Variants in KLF12 observed in about 807,000 individuals in gnomAD.
KLF12 encodes the protein KLF transcription factor 12.
Under a neutral mutation model 37.8 loss-of-function variants are expected in KLF12, and 9 were observed. The observed-to-expected ratio is 0.24, with a 90% CI of 0.14 to 0.42. KLF12 has a LOEUF of 0.42. Among genes scored for constraint, KLF12 ranks in the 10% least tolerant of loss-of-function variants. The probability of loss-of-function intolerance (pLI) is 1.00; values close to 1 mark genes in which losing one functional copy is unlikely to be tolerated. For synonymous variants in KLF12, 208 were observed against 202.1 expected (o/e 1.03, Z -0.25); for missense variants, 411 against 516.0 (o/e 0.80, Z 1.97).
At chr13:74,282,634 C>G in the KLF12 span, among the ~76,000 whole-genome samples, 1 of 152,008 alleles carries the variant, frequency 6.6e-6, no homozygotes. Context: ...GGTGACTGCA[C>G]AACAGCATGT....
the KLF12 span, among the ~76,000 whole-genome samples, chr13:74,275,469 C>G: frequency 6.6e-6 from 1 of 152,114 alleles, no homozygotes; most frequent in Non-Finnish European, 1.5e-5. Context: ...TAGAAGCTTG[C>G]TTTTAAAAAT....
At chr13:74,141,947 C>T in the KLF12 span, among the ~76,000 whole-genome samples, 4 of 152,024 alleles carry the variant, frequency 2.6e-5, no homozygotes, top group Non-Finnish European at 4.4e-5. Context: ...TAGTGAGGCT[C>T]TCTATTGAAT....
At chr13:73,812,910 G>A in intron 5 of KLF12, 1 of 429,284 alleles carries the variant, frequency 2.3e-6, no homozygotes, top group Non-Finnish European at 4.2e-6. Context: ...AAGGGTGCAG[G>A]AGGTATTAGA....
At chr13:74,164,464 G>A in the KLF12 span, among the ~76,000 whole-genome samples, 4 of 152,040 alleles carry the variant, frequency 2.6e-5, no homozygotes, top group Admixed American at 2.0e-4. Context: ...TAGAACAACT[G>A]GTCATGCTTA....
rs1875477750 is a variant in KLF12 at position 74,088,839 on chromosome 13, T to G, written c.-32+44900A>C. ...TCTTGAATGTGAAAGCACTTTGAAC[T>G]GTTAAAAATCACTCACAAAGAATCA... On this transcript the variant is annotated intron_variant, in intron 1 of 7. Transcript: ENST00000377669. 2.0e-5 allele frequency among the ~76,000 whole-genome samples: 3 copies of G among 152,214 alleles called. No homozygotes were observed. The South Asian group carries it at 6.2e-4, about 31-fold the overall frequency.
At chr13:73,906,435 G>A (rs1223079422) in intron 3 of KLF12, among the ~76,000 whole-genome samples, 1 of 152,008 alleles carries the variant, frequency 6.6e-6, no homozygotes, top group Non-Finnish European at 1.5e-5. Context: ...CTCTTTAGCT[G>A]TGACTCACCT....
At chr13:73,830,833 T>A (rs1323909330) in intron 4 of KLF12, among the ~76,000 whole-genome samples, 1 of 152,150 alleles carries the variant, frequency 6.6e-6, no homozygotes, top group Non-Finnish European at 1.5e-5. Context: ...TGAAACGCAG[T>A]GAACCACACT....
At chr13:73,795,229 T>G (rs1302197564) in intron 5 of KLF12, among the ~76,000 whole-genome samples, 1 of 152,212 alleles carries the variant, frequency 6.6e-6, no homozygotes, top group African/African-American at 2.4e-5. Context: ...ATGTATTGAA[T>G]GCTCAATAAA....
rs1873882238 is a variant in KLF12, at chr13:73,692,616, A to C, written c.*2874T>G. ...CATGAGATGAAATGGAGGCTCTTCC[A>C]TGACTGAAGACATTCCATTTCTTTC... On this transcript the variant is annotated 3_prime_UTR_variant, in exon 8 of 8. Coordinates refer to ENST00000377669, the MANE Select transcript of KLF12 (RefSeq NM_007249.5). The C allele has an allele frequency of 6.5e-6, 1 of 152,678 alleles. No individual in the cohort carries two copies. Among genetic ancestry groups the C allele is most frequent in the South Asian group, 2.1e-4 (1 of 4,836 alleles). The allele number at this position is 152,678 out of a possible 1,614,324, so 9.5% of individuals were successfully genotyped here.
intron 2 of KLF12, among the ~76,000 whole-genome samples, chr13:73,991,161 T>C (rs1235809604): frequency 3.3e-5 from 5 of 152,152 alleles, no homozygotes; most frequent in Non-Finnish European, 5.9e-5. Flanking sequence ...AAGACGATAT[T>C]TTAATAAATA....
At chr13:73,784,295 G>T (rs1427659417) in intron 5 of KLF12, among the ~76,000 whole-genome samples, 1 of 151,918 alleles carries the variant, frequency 6.6e-6, no homozygotes, top group Non-Finnish European at 1.5e-5. Flanking sequence ...CCATCAAAGG[G>T]GTTCTCAATA....
chr13:73,831,026 GCA>G (rs67393838), intron 4 of KLF12, among the ~76,000 whole-genome samples: 2,365 of 84,300 alleles, frequency 0.028, 27 homozygotes, highest in Middle Eastern at 0.053. Context: ...ACACACACAC[GCA>G]TACTTATTTT....
chr13:73,722,559 C>T (rs1173856224), intron 6 of KLF12, among the ~76,000 whole-genome samples: 4 of 152,230 alleles, frequency 2.6e-5, no homozygotes, highest in Non-Finnish European at 5.9e-5. Flanking sequence ...TCCTCTCTCA[C>T]TCCTGTCTGT....
the KLF12 span, among the ~76,000 whole-genome samples, chr13:74,214,297 C>T: frequency 1.3e-5 from 2 of 150,936 alleles, no homozygotes; most frequent in Admixed American, 1.3e-4. Flanking sequence ...CTTCTATCCT[C>T]CTGGCTCCAA....
chr13:74,042,800 A>G (rs530044323), intron 1 of KLF12, among the ~76,000 whole-genome samples: 1 of 152,344 alleles, frequency 6.6e-6, no homozygotes, highest in East Asian at 1.9e-4. Flanking sequence ...GGAACTCATA[A>G]AGCTTTTAAA....
intron 2 of KLF12, among the ~76,000 whole-genome samples, chr13:73,956,817 A>C (rs1166074256): frequency 6.6e-6 from 1 of 151,990 alleles, no homozygotes; most frequent in African/African-American, 2.4e-5. Context: ...AGTCCCAGCT[A>C]ATCAGGCTTA....
chr13:73,727,568 T>C (rs913212341), intron 6 of KLF12, among the ~76,000 whole-genome samples: 2 of 152,214 alleles, frequency 1.3e-5, no homozygotes, highest in Non-Finnish European at 2.9e-5. Flanking sequence ...TGTATAATTA[T>C]CTCAGTACCA....
chr13:74,241,376 A>G, the KLF12 span, among the ~76,000 whole-genome samples: 17 of 152,272 alleles, frequency 1.1e-4, no homozygotes, highest in African/African-American at 4.1e-4. Flanking sequence ...TTAAGTCTGC[A>G]GAGGTTACTG....
At chr13:73,969,729 A>G (rs893773454) in intron 2 of KLF12, among the ~76,000 whole-genome samples, 4 of 152,192 alleles carry the variant, frequency 2.6e-5, no homozygotes, top group African/African-American at 4.8e-5. Flanking sequence ...CACAACTACA[A>G]TAAGTATTCA....
Sources: gnomAD v4.1 joint callset for allele counts (sites outside exome capture counted in the v4.1 genomes callset) on GRCh38, gnomAD v4.1.1 for gene constraint, MANE v1.5 for transcripts, NCBI Gene and HGNC (gene_info 2026-07-23, HGNC 2026-07-21) for gene names.